Variants in SLC35F1 observed in about 807,000 individuals in gnomAD.
The protein encoded by SLC35F1 is chromosome 6 open reading frame 169.
In SLC35F1, 14 loss-of-function variants were observed where a neutral mutation model predicts 48.7. The ratio of observed to expected loss-of-function variants is 0.29; its 90% CI spans 0.19 to 0.45. The LOEUF is 0.45. Among genes scored for constraint, SLC35F1 ranks in the 20% least tolerant of loss-of-function variants. The pLI, the probability that SLC35F1 is intolerant of heterozygous loss-of-function variation, is 1.00. For missense variants in SLC35F1, 404 were observed against 500.0 expected, an observed-to-expected ratio of 0.81 and a Z score of 1.83; for synonymous variants, 190 against 202.2, an observed-to-expected ratio of 0.94 and a Z score of 0.51.
At position 118,212,790 on chromosome 6, in the gene SLC35F1, GGAAA is replaced by G. The variant is rs1480766982; in HGVS notation, c.350-22715_350-22712del. Among the ~76,000 whole-genome samples, 25 of 139,532 alleles carry G rather than the reference GGAAA, an allele frequency of 1.8e-4. 1 individual carries two copies. Among genetic ancestry groups the G allele is most frequent in the East Asian group, 8.4e-4 (4 of 4,766 alleles). The allele number at this position is 139,532 out of a possible 152,430, so 91.5% of individuals were successfully genotyped here. A position where few individuals can be genotyped will look rare whatever the true frequency, so the allele number is the denominator to read the frequency against. On this transcript the variant is annotated intron_variant, in intron 2 of 7. Transcript: ENST00000360388. Reference sequence around the variant, plus strand: ...AGGAAGGAAGGAAGGAAGGAAGGAAGGAAAGAAGGAAGGGCACTTATCCAAATTC... The same window carrying G: ...AGGAAGGAAGGAAGGAAGGAAGGAAGGAAGGAAGGGCACTTATCCAAATTC...
rs1554216681 is a variant in SLC35F1 at position 117,923,651 on chromosome 6, G to GTACATATACACATA, written c.173+15759_173+15760insACACATATACATAT. Among the ~76,000 whole-genome samples the GTACATATACACATA allele has an allele frequency of 6.9e-4, 12 of 17,502 alleles. 2 individuals carry two copies. Among genetic ancestry groups the GTACATATACACATA allele is most frequent in the African/African-American group, 2.3e-3 (5 of 2,202 alleles). 11.5% of individuals were successfully genotyped at this position (17,502 alleles called of 152,430 possible). ...TACATATATGTACATATGTACATAT[G>GTACATATACACATA]TACATATGTATATATACATATATGT... is the stretch of plus-strand genomic sequence containing the variant. On this transcript the variant is annotated intron_variant, in intron 1 of 7. Transcript: ENST00000360388.
intron 1 of SLC35F1, among the ~76,000 whole-genome samples, chr6:117,992,658 C>T (rs1776933841): frequency 6.6e-6 from 1 of 152,114 alleles, no homozygotes; most frequent in South Asian, 2.1e-4. Context: ...TATTCAGCTC[C>T]ATTTATTTCT....
chr6:118,061,865 A>G (rs1045175324), intron 1 of SLC35F1, among the ~76,000 whole-genome samples: 37 of 152,076 alleles, frequency 2.4e-4, no homozygotes, highest in African/African-American at 8.4e-4. Flanking sequence ...CTGCACTCCT[A>G]CGAGAATCTA....
chr6:118,055,009 G>A (rs956458202), intron 1 of SLC35F1, among the ~76,000 whole-genome samples: 4 of 151,948 alleles, frequency 2.6e-5, no homozygotes, highest in South Asian at 2.1e-4. Context: ...TCTCCTGACC[G>A]CGTGATCCGC....
intron 1 of SLC35F1, among the ~76,000 whole-genome samples, chr6:118,068,381 G>T (rs1454225550): frequency 3.3e-5 from 5 of 152,176 alleles, no homozygotes; most frequent in African/African-American, 9.7e-5. Flanking sequence ...TGTGTAAGAA[G>T]AATACATTTT....
intron 7 of SLC35F1, among the ~76,000 whole-genome samples, chr6:118,287,032 A>C (rs1776059948): frequency 6.6e-6 from 1 of 152,136 alleles, no homozygotes; most frequent in Admixed American, 6.5e-5. Context: ...GAGCTTAAAG[A>C]AAGTATCTAG....
At chr6:118,172,874 G>T (rs1330385768) in intron 2 of SLC35F1, among the ~76,000 whole-genome samples, 1 of 152,102 alleles carries the variant, frequency 6.6e-6, no homozygotes, top group Non-Finnish European at 1.5e-5. Flanking sequence ...ATTTCAGGAT[G>T]AATAAGATTT....
At chr6:118,118,026 A>G (rs1484108409) in intron 1 of SLC35F1, among the ~76,000 whole-genome samples, 1 of 152,186 alleles carries the variant, frequency 6.6e-6, no homozygotes, top group East Asian at 1.9e-4. Flanking sequence ...GTTATGAATA[A>G]TGCCACTATG....
At chr6:117,999,260 C>A in intron 1 of SLC35F1, 1 of 1,595,878 alleles carries the variant, frequency 6.3e-7, no homozygotes, top group South Asian at 1.1e-5. Flanking sequence ...GCTCGATCGA[C>A]ATGCCTACGT....
chr6:118,267,118 G>C lies in SLC35F1; in HGVS notation c.601G>C (p.Gly201Arg). Residue 201 changes from glycine to arginine, a missense_variant, in exon 4 of 8, where the codon GGA becomes CGA. Physicochemically the swap from Gly to Arg is moderately radical, Grantham distance 125. Transcript: ENST00000360388. ...CATCCTGGGAATGGGCTGCATGGTGGGAGCAGATGTGCTTGTGGGAAGACA... is the reference window on the plus strand; with the variant it reads ...CATCCTGGGAATGGGCTGCATGGTGCGAGCAGATGTGCTTGTGGGAAGACA... ...VCILGMGCMV[G>R]ADVLVGRHQG... 6.2e-7 allele frequency: 1 copy of C among 1,614,022 alleles called. No homozygotes were observed. Among genetic ancestry groups the C allele is most frequent in the Non-Finnish European group, 8.5e-7 (1 of 1,179,928 alleles).
intron 2 of SLC35F1, 127 bp downstream of exon 2, chr6:118,154,747 TC>T: frequency 2.3e-6 from 2 of 884,792 alleles, no homozygotes; most frequent in Non-Finnish European, 3.3e-6. Context: ...ATCTTACTTT[TC>T]TATTTTGCAG....
At chr6:118,251,356 C>G (rs1392293284) in intron 3 of SLC35F1, among the ~76,000 whole-genome samples, 1 of 151,966 alleles carries the variant, frequency 6.6e-6, no homozygotes. Context: ...GAACCCTTAA[C>G]ATGAGCTCTA....
chr6:118,076,223 T>C (rs1236862428), intron 1 of SLC35F1, among the ~76,000 whole-genome samples: 1 of 152,236 alleles, frequency 6.6e-6, no homozygotes, highest in African/African-American at 2.4e-5. Flanking sequence ...GTTTTCTATC[T>C]GATGGTATTT....
At chr6:118,158,047 C>A (rs1165467364) in intron 2 of SLC35F1, among the ~76,000 whole-genome samples, 1 of 152,116 alleles carries the variant, frequency 6.6e-6, no homozygotes, top group East Asian at 1.9e-4. Flanking sequence ...AAAGGAAAGG[C>A]TGAAGAGGGC....
In SLC35F1 at chr6:117,955,037, C is replaced by T. The variant is rs546823851; in HGVS notation, c.173+47138C>T. 3.5e-3 allele frequency among the ~76,000 whole-genome samples: 538 copies of T among 152,256 alleles called. 4 individuals carry two copies. The highest frequency in any genetic ancestry group is 0.013 in the African/African-American group (523 of 41,550). Reference sequence around the variant, plus strand: ...CTTCACCATGTATTCCTAGACTATTCCAAGTACCTGGGAGCTAATACTTCA... The same window carrying T: ...CTTCACCATGTATTCCTAGACTATTTCAAGTACCTGGGAGCTAATACTTCA... On this transcript the variant is annotated intron_variant, in intron 1 of 7. Transcript: ENST00000360388.
At chr6:118,184,414 C>A (rs1204044896) in intron 2 of SLC35F1, among the ~76,000 whole-genome samples, 1 of 152,212 alleles carries the variant, frequency 6.6e-6, no homozygotes, top group Non-Finnish European at 1.5e-5. Context: ...GAGTAACACA[C>A]TAAGTGAAAC....
At chr6:118,226,343 A>G (rs1043668671) in intron 2 of SLC35F1, among the ~76,000 whole-genome samples, 3 of 152,264 alleles carry the variant, frequency 2.0e-5, no homozygotes, top group African/African-American at 7.2e-5. Context: ...CATATGATCC[A>G]GCAATTCCGC....
intron 2 of SLC35F1, among the ~76,000 whole-genome samples, chr6:118,179,237 G>A (rs1001512931): frequency 3.3e-5 from 5 of 152,048 alleles, no homozygotes; most frequent in African/African-American, 9.7e-5. Context: ...CTGAGGAGTC[G>A]CATGATCTGC....
rs189133019 is a variant in SLC35F1 at position 118,283,530 on chromosome 6, T to C, written c.848-1654T>C. Among the ~76,000 whole-genome samples, 564 of 152,302 alleles carry C rather than the reference T, an allele frequency of 3.7e-3. 3 individuals are homozygous for C. The highest frequency in any genetic ancestry group is 0.013 in the African/African-American group (536 of 41,566). On this transcript the variant is annotated intron_variant, in intron 6 of 7. Coordinates refer to ENST00000360388, the MANE Select transcript of SLC35F1 (RefSeq NM_001029858.4). ...GCAAAATGATGGAAGGGTATTATTC[T>C]GGAACTTTCTAACCCAGTCATGGTA...
Sources: allele counts gnomAD v4.1 joint callset (sites outside exome capture counted in the v4.1 genomes callset), GRCh38; gene constraint gnomAD v4.1.1; transcripts MANE v1.5; gene names NCBI Gene and HGNC (gene_info 2026-07-23, HGNC 2026-07-21).